The following ACACB variants were observed in gnomAD, a reference collection of about 807,000 sequenced individuals.
The protein encoded by ACACB is acetyl-CoA carboxylase 2.
ACACB carries 209 observed loss-of-function variants against 278.8 expected under a neutral mutation model. The observed-to-expected ratio is 0.75, with a 90% CI of 0.67 to 0.84. ACACB has a LOEUF of 0.84. Ranked by LOEUF, ACACB falls within the 40% of genes least tolerant of loss-of-function variation. The pLI is 0.00. For synonymous variants in ACACB, 1,174 were observed against 1,285.6 expected (o/e 0.91, Z 1.86); for missense variants, 2,850 against 3,269.0 (o/e 0.87, Z 3.13).
intron 19 of ACACB, 89 bp from the exon 20 acceptor site, chr12:109,206,621 G>A (rs748565744): frequency 1.4e-5 from 21 of 1,482,120 alleles, no homozygotes; most frequent in East Asian, 4.6e-5. Context: ...TACGGAAGCC[G>A]GCAGATCTGT....
intron 24 of ACACB, among the ~76,000 whole-genome samples, chr12:109,219,681 G>A (rs902769242): frequency 3.3e-5 from 5 of 152,152 alleles, no homozygotes; most frequent in Non-Finnish European, 7.4e-5. Flanking sequence ...ATGTGTATGC[G>A]CACGTACGTT....
In ACACB at chr12:109,139,561, T is replaced by A. The variant is rs756710601; in HGVS notation, c.156T>A (p.Asp52Glu). 1.9e-6 allele frequency: 3 copies of A among 1,613,756 alleles called. No individual in the cohort carries two copies. Among genetic ancestry groups the A allele is most frequent in the Admixed American group, 1.7e-5 (1 of 59,950 alleles). Reference sequence around the variant, plus strand: ...GCCAGGAGCCCTTTCCAGCCTCTGATAACTCAGGGGAGACACCGCAGAGAA... The same window carrying A: ...GCCAGGAGCCCTTTCCAGCCTCTGAAAACTCAGGGGAGACACCGCAGAGAA... ...IPSQEPFPAS[D>E]NSGETPQRNG... The change falls in exon 2 of 53, where the codon GAT becomes GAA. Residue 52 changes from aspartate to glutamate, a missense_variant. Asp to Glu is a conservative substitution (Grantham distance 45). Transcript: ENST00000338432.
At chr12:109,254,130 C>T in intron 43 of ACACB, 84 bp from the exon 44 acceptor site, 1 of 1,528,210 alleles carries the variant, frequency 6.5e-7, no homozygotes, top group Non-Finnish European at 9.0e-7. Flanking sequence ...CAGGCATAAT[C>T]ATAGTCAGAG....
chr12:109,168,335 A>G (rs2043990986), intron 4 of ACACB, among the ~76,000 whole-genome samples: 1 of 152,210 alleles, frequency 6.6e-6, no homozygotes, highest in Non-Finnish European at 1.5e-5. Context: ...ATTGTATTTC[A>G]ATCATTTGTT....
chr12:109,216,888 G>T lies in ACACB; in HGVS notation c.3532G>T (p.Ala1178Ser), dbSNP rs2046018236. The T allele has an allele frequency of 6.2e-7, 1 of 1,613,790 alleles. No homozygotes were observed. The highest frequency in any genetic ancestry group is 8.5e-7 in the Non-Finnish European group (1 of 1,180,010). ...CTGCATCTTCTCCCACGCACAGGTG[G>T]CCAAGAAGAACCAGCTGGTGATCAT... ...LDCIFSHAQV[A>S]KKNQLVIMLI... is the part of the protein sequence containing the mutation. The change falls in exon 24 of 53, where the codon GCC becomes TCC. Residue 1178 changes from alanine to serine, a missense_variant. Around this residue, in one of 3 missense-constraint regions of ACACB, gnomAD observed 2,265 missense variants for 2,561.3 expected, o/e 0.88. Transcript: ENST00000338432.
intron 1 of ACACB, among the ~76,000 whole-genome samples, chr12:109,133,861 A>ATTTTTTTT (rs1236378780): frequency 2.2e-5 from 1 of 46,358 alleles, no homozygotes; most frequent in Admixed American, 2.6e-4. Context: ...ATATATATAT[A>ATTTTTTTT]TATTTTTTTT....
chr12:109,172,255 AC>A lies in ACACB; in HGVS notation c.1036-16del, dbSNP rs766577113. 20 of 1,611,532 alleles carry A rather than the reference AC, an allele frequency of 1.2e-5. No individual in the cohort carries two copies. The highest frequency in any genetic ancestry group is 1.8e-4 in the Middle Eastern group (1 of 5,498). On this transcript the variant is annotated intron_variant, in intron 5 of 52. Transcript: ENST00000338432. ...TATTCTTGAAGGAAGATTGTTGCTCACCCCTTTCTGTGTTTGCAGGCGGTGT... is the reference window on the plus strand; with the variant it reads ...TATTCTTGAAGGAAGATTGTTGCTCACCCTTTCTGTGTTTGCAGGCGGTGT...
At chr12:109,229,332 C>G (rs1480725929) in intron 28 of ACACB, among the ~76,000 whole-genome samples, 2 of 152,152 alleles carry the variant, frequency 1.3e-5, no homozygotes, top group Non-Finnish European at 2.9e-5. Context: ...GGGCCCTCAC[C>G]TGACCTAGGC....
At chr12:109,153,996 T>C (rs1197041128) in intron 2 of ACACB, among the ~76,000 whole-genome samples, 1 of 152,150 alleles carries the variant, frequency 6.6e-6, no homozygotes, top group African/African-American at 2.4e-5. Context: ...TTGTCTGAGT[T>C]CAAGACCCTG....
chr12:109,239,960 C>G lies in ACACB; in HGVS notation c.4793C>G (p.Pro1598Arg). Residue 1598 changes from proline to arginine, a missense_variant, in exon 35 of 53, where the codon CCC (proline) becomes CGC (arginine). Physicochemically the swap from Pro to Arg is moderately radical, Grantham distance 103. Transcript: ENST00000338432. ...DCNHIFLNFVPTVIMDPFKIE... is the reference protein window; with the variant it reads ...DCNHIFLNFVRTVIMDPFKIE... ...AACCACATCTTCCTCAACTTCGTGCCCACTGTCATCATGGACCCCTTCAAG... is the reference window on the plus strand; with the variant it reads ...AACCACATCTTCCTCAACTTCGTGCGCACTGTCATCATGGACCCCTTCAAG... 1 of 1,614,082 alleles carries G rather than the reference C, an allele frequency of 6.2e-7. No homozygotes were observed. The highest frequency in any genetic ancestry group is 8.5e-7 in the Non-Finnish European group (1 of 1,179,986).
intron 42 of ACACB, chr12:109,252,687 A>C: frequency 4.9e-6 from 1 of 202,606 alleles, no homozygotes; most frequent in Non-Finnish European, 9.9e-6. Flanking sequence ...CACATCCTCA[A>C]GCCCTGCTGC....
At chr12:109,163,955 A>G (rs34273) in intron 2 of ACACB, among the ~76,000 whole-genome samples, 83,533 of 152,090 alleles carry the variant, frequency 0.55, 24,813 homozygotes, top group Middle Eastern at 0.71. Context: ...CAGCCCATCA[A>G]GGAAGTATTT....
chr12:109,145,766 C>T (rs1037769025), intron 2 of ACACB, among the ~76,000 whole-genome samples: 12 of 151,506 alleles, frequency 7.9e-5, no homozygotes, highest in Non-Finnish European at 1.2e-4. Context: ...TTTGGGAGGC[C>T]GAGGGGGGCG....
At chr12:109,260,289 C>G in intron 47 of ACACB, 191 bp from the exon 48 acceptor site, 1 of 1,131,826 alleles carries the variant, frequency 8.8e-7, no homozygotes, top group South Asian at 1.4e-5. Context: ...CTGAGGCCCA[C>G]ACTGGGTGAA....
chr12:109,239,445 A>G (rs1298904976), intron 34 of ACACB, among the ~76,000 whole-genome samples: 1 of 152,134 alleles, frequency 6.6e-6, no homozygotes, highest in African/African-American at 2.4e-5. Context: ...GAGAAGAAAA[A>G]AGTGAGGCTG....
At chr12:109,260,732 T>C in intron 48 of ACACB, 75 bp downstream of exon 48, 1 of 1,385,888 alleles carries the variant, frequency 7.2e-7, no homozygotes, top group East Asian at 2.6e-5. Flanking sequence ...CCTTGGGAGA[T>C]CATGGAGGGA....
At chr12:109,187,038 C>A (rs573513207) in intron 12 of ACACB, among the ~76,000 whole-genome samples, 48 of 150,604 alleles carry the variant, frequency 3.2e-4, no homozygotes, top group African/African-American at 9.5e-4. Flanking sequence ...TTGGCAGCAG[C>A]CTGGCCGATG....
At chr12:109,143,661 T>G (rs1479397779) in intron 2 of ACACB, among the ~76,000 whole-genome samples, 1 of 152,116 alleles carries the variant, frequency 6.6e-6, no homozygotes, top group East Asian at 1.9e-4. Context: ...ACACTGGCAC[T>G]TCCTCAAGGA....
At chr12:109,118,282 T>G (rs1197612650) in intron 1 of ACACB, among the ~76,000 whole-genome samples, 1 of 152,210 alleles carries the variant, frequency 6.6e-6, no homozygotes, top group Non-Finnish European at 1.5e-5. Context: ...TCAACACCTT[T>G]AGGTCTGAGA....
Sources: allele counts gnomAD v4.1 joint callset (sites outside exome capture counted in the v4.1 genomes callset), GRCh38; gene constraint gnomAD v4.1.1; regional missense constraint gnomAD v4.1.1; transcripts MANE v1.5; gene names NCBI Gene and HGNC (gene_info 2026-07-23, HGNC 2026-07-21).